Variants in CTNNA2 observed in about 807,000 individuals in gnomAD.
CTNNA2 encodes the protein catenin alpha 2.
A neutral mutation model predicts 101.0 loss-of-function variants in CTNNA2; 42 were observed. The observed-to-expected ratio is 0.42, with a 90% CI of 0.32 to 0.54. The LOEUF is 0.54. Among genes scored for constraint, CTNNA2 ranks in the 20% least tolerant of loss-of-function variants. CTNNA2 has a pLI of 0.14. For missense variants in CTNNA2, 871 were observed against 1,223.1 expected (o/e 0.71, Z 4.29); for synonymous variants, 450 against 456.4 (o/e 0.99, Z 0.18).
chr2:79,302,144 C>T (rs191673179), intron 2 of CTNNA2, among the ~76,000 whole-genome samples: 23 of 151,502 alleles, frequency 1.5e-4, no homozygotes, highest in African/African-American at 4.4e-4. Flanking sequence ...ATAAAAGAAC[C>T]CTTGACTTGA....
In CTNNA2 at chr2:80,507,127, T is replaced by G. The variant is rs139211005; in HGVS notation, c.1291-37855T>G. On this transcript the variant is annotated intron_variant, in intron 9 of 18. Transcript: ENST00000402739. Reference sequence around the variant, plus strand: ...ATACTTGTTAGGGTACCATGGCAATTTAACCATTTCGTTCCCTAGTCTCCT... The same window carrying G: ...ATACTTGTTAGGGTACCATGGCAATGTAACCATTTCGTTCCCTAGTCTCCT... Among the ~76,000 whole-genome samples the G allele has an allele frequency of 9.5e-4, 145 of 152,272 alleles. No individual in the cohort carries two copies. The Middle Eastern group carries it at 0.01, about 11-fold the overall frequency.
intron 7 of CTNNA2, among the ~76,000 whole-genome samples, chr2:80,145,488 C>G (rs1451032108): frequency 6.6e-6 from 1 of 152,180 alleles, no homozygotes; most frequent in Non-Finnish European, 1.5e-5. Context: ...TGCTGCCTCC[C>G]CAAAGCATTT....
chr2:79,384,107 G>A (rs988083089), intron 4 of CTNNA2, among the ~76,000 whole-genome samples: 15 of 152,158 alleles, frequency 9.9e-5, no homozygotes, highest in African/African-American at 3.4e-4. Context: ...GCAGCACTTA[G>A]CTTCCCAACC....
intron 3 of CTNNA2, among the ~76,000 whole-genome samples, chr2:79,312,953 A>G (rs542099742): frequency 1.8e-4 from 27 of 152,316 alleles, no homozygotes; most frequent in African/African-American, 6.0e-4. Context: ...CTAGTATTAA[A>G]CTTTATCTCT....
At position 79,234,371 on chromosome 2, in the gene CTNNA2, C is replaced by T. The variant is rs150319150; in HGVS notation, c.-406+36295C>T. ...AATGCTGTAAAGAGGCTCCCACCAT[C>T]CTCTGGCTTGTAGGGTTTCTGCTGA... On this transcript the variant is annotated intron_variant, in intron 2 of 21. Transcript: ENST00000466387. Among the ~76,000 whole-genome samples the T allele has an allele frequency of 3.6e-3, 549 of 152,276 alleles. 7 individuals carry two copies. Among genetic ancestry groups the T allele is most frequent in the African/African-American group, 0.012 (512 of 41,560 alleles).
rs1689068967 is a variant in CTNNA2, at chr2:80,515,853, G to A, written c.1291-29129G>A. Among the ~76,000 whole-genome samples the A allele has an allele frequency of 2.0e-5, 3 of 152,202 alleles. 1 individual carries two copies. The South Asian group carries it at 6.2e-4, about 31-fold the overall frequency. The stretch of plus-strand genomic sequence containing the variant: ...TTCCATATGAATGGCAAAAGCCTCA[G>A]TATCACTGAATTGCATGTCTGTTTC... On this transcript the variant is annotated intron_variant, in intron 9 of 18. Coordinates refer to ENST00000402739, the MANE Select transcript of CTNNA2 (RefSeq NM_001282597.3).
chr2:80,615,934 T>G (rs1189680325), intron 17 of CTNNA2, among the ~76,000 whole-genome samples: 1 of 151,752 alleles, frequency 6.6e-6, no homozygotes, highest in Non-Finnish European at 1.5e-5. Flanking sequence ...TTCTGGGCTA[T>G]AAATATATCT....
intron 7 of CTNNA2, among the ~76,000 whole-genome samples, chr2:80,242,361 A>G (rs543164158): frequency 1.8e-4 from 27 of 152,276 alleles, no homozygotes; most frequent in African/African-American, 6.3e-4. Flanking sequence ...ACCATAAAAG[A>G]TTTTCAAATT....
chr2:80,226,545 C>A (rs577742331), intron 7 of CTNNA2, among the ~76,000 whole-genome samples: 180 of 152,318 alleles, frequency 1.2e-3, no homozygotes, highest in African/African-American at 4.0e-3. Flanking sequence ...GCGGCACTGG[C>A]ATCACTCTGA....
intron 7 of CTNNA2, among the ~76,000 whole-genome samples, chr2:79,984,231 C>G (rs1262674619): frequency 1.3e-5 from 2 of 152,106 alleles, no homozygotes; most frequent in Non-Finnish European, 2.9e-5. Context: ...TGCTGGCAAC[C>G]AGGGCCTCTG....
intron 7 of CTNNA2, among the ~76,000 whole-genome samples, chr2:80,381,842 A>G (rs1676544394): frequency 6.6e-6 from 1 of 152,186 alleles, no homozygotes; most frequent in Non-Finnish European, 1.5e-5. Context: ...ATTTTATCGA[A>G]TCTATTCTCT....
At position 80,256,598 on chromosome 2, in the gene CTNNA2, T is replaced by A. The variant is rs145892511; in HGVS notation, c.1057-136613T>A. On this transcript the variant is annotated intron_variant, in intron 7 of 18. Coordinates refer to ENST00000402739, the MANE Select transcript of CTNNA2 (RefSeq NM_001282597.3). ...GTCATCAATTCAAGTTTCCTCCACT[T>A]GGGGGAGTGACTCACACCAGCCCTA... 4.2e-3 allele frequency among the ~76,000 whole-genome samples: 642 copies of A among 152,226 alleles called. 2 individuals are homozygous for A. The highest frequency in any genetic ancestry group is 6.8e-3 in the Non-Finnish European group (463 of 68,016).
At chr2:79,586,967 A>G (rs991407813) in intron 1 of CTNNA2, among the ~76,000 whole-genome samples, 8 of 151,886 alleles carry the variant, frequency 5.3e-5, no homozygotes, top group African/African-American at 1.9e-4. Context: ...ATGGCCTCCA[A>G]CTCTATCTGA....
chr2:79,471,837 C>G (rs972562321), intron 4 of CTNNA2, among the ~76,000 whole-genome samples: 1 of 149,300 alleles, frequency 6.7e-6, no homozygotes, highest in Admixed American at 6.7e-5. Flanking sequence ...GACTCTGTCT[C>G]AAAAAACAAA....
chr2:80,037,425 C>T (rs184470631), intron 7 of CTNNA2, among the ~76,000 whole-genome samples: 47 of 152,280 alleles, frequency 3.1e-4, no homozygotes, highest in Non-Finnish European at 4.1e-4. Context: ...ACTGCATCAT[C>T]GTAATAGTTT....
intron 7 of CTNNA2, among the ~76,000 whole-genome samples, chr2:79,963,274 G>A (rs1368162274): frequency 1.3e-5 from 2 of 152,046 alleles, no homozygotes; most frequent in Admixed American, 1.3e-4. Flanking sequence ...TAAGTGAAGT[G>A]GAAACATGTA....
chr2:79,246,591 G>A (rs1182965797), intron 2 of CTNNA2, among the ~76,000 whole-genome samples: 1 of 152,166 alleles, frequency 6.6e-6, no homozygotes. Context: ...AAGGGCAAAA[G>A]GAATGAGACA....
chr2:80,220,780 A>G (rs560244412), intron 7 of CTNNA2, among the ~76,000 whole-genome samples: 1 of 152,184 alleles, frequency 6.6e-6, no homozygotes. Flanking sequence ...CTTTTCTGCT[A>G]TTTTAGAGTT....
At chr2:80,033,018 G>A (rs1371785242) in intron 7 of CTNNA2, among the ~76,000 whole-genome samples, 1 of 151,900 alleles carries the variant, frequency 6.6e-6, no homozygotes, top group East Asian at 1.9e-4. Flanking sequence ...GGGCATGGTG[G>A]TGGGCGCCTG....
Sources: gnomAD v4.1 joint callset for allele counts (sites outside exome capture counted in the v4.1 genomes callset) on GRCh38, gnomAD v4.1.1 for gene constraint, MANE v1.5 for transcripts, NCBI Gene and HGNC (gene_info 2026-07-23, HGNC 2026-07-21) for gene names.